Variants in DAP3 observed in about 807,000 individuals in gnomAD.
The protein encoded by DAP3 is small ribosomal subunit protein mS29.
Under a neutral mutation model 51.9 loss-of-function variants are expected in DAP3, and 28 were observed. The ratio of observed to expected loss-of-function variants is 0.54; its 90% confidence interval spans 0.40 to 0.74. DAP3 has a LOEUF of 0.74. Among genes scored for constraint, DAP3 ranks in the 30% least tolerant of loss-of-function variants. DAP3 has a pLI of 0.00. For synonymous variants in DAP3, 170 were observed against 170.3 expected, an observed-to-expected ratio of 1.00 and a Z score of 0.01; for missense variants, 458 against 483.5, an observed-to-expected ratio of 0.95 and a Z score of 0.49.
At chr1:155,720,166 A>C (rs1400259168) in intron 3 of DAP3, among the ~76,000 whole-genome samples, 1 of 151,582 alleles carries the variant, frequency 6.6e-6, no homozygotes, top group East Asian at 1.9e-4. Context: ...CTACCAAAAA[A>C]GTAAAAAAAT....
At chr1:155,688,630 C>CT, upstream of DAP3, 1 of 1,534,588 alleles carries the variant, frequency 6.5e-7, no homozygotes, top group African/African-American at 1.4e-5. Context: ...CCCTGTCAAG[C>CT]CGGCTCCAGC....
At chr1:155,712,475 G>A (rs188209188) in intron 2 of DAP3, among the ~76,000 whole-genome samples, 6 of 152,186 alleles carry the variant, frequency 3.9e-5, no homozygotes, top group South Asian at 2.1e-4. Flanking sequence ...AGCCAGGCGC[G>A]GTGGCGCATG....
Position 155,696,902 on chromosome 1 carries a change from G to A in DAP3, c.-8+7728G>A, listed in dbSNP as rs542504831. On this transcript the variant is annotated intron_variant, in intron 1 of 12. Coordinates refer to ENST00000368336, the MANE Select transcript of DAP3 (RefSeq NM_004632.4). ...CAGTCTTTTAAATCTATAATAACAA[G>A]CAGCCAGTCTTTAGGGAGCATGGTG... is the stretch of plus-strand genomic sequence containing the variant. Among the ~76,000 whole-genome samples, 47 of 152,286 alleles carry A rather than the reference G, an allele frequency of 3.1e-4. 2 individuals carry two copies. The East Asian group carries it at 6.4e-3, about 21-fold the overall frequency.
intron 11 of DAP3, among the ~76,000 whole-genome samples, chr1:155,732,500 G>C (rs933041652): frequency 5.9e-5 from 9 of 152,066 alleles, no homozygotes; most frequent in Non-Finnish European, 1.5e-5. Context: ...CAAAGTGCTA[G>C]GATTATAGGC....
chr1:155,729,172 T>C, intron 8 of DAP3, 36 bp from the exon 9 acceptor site: 1 of 1,614,090 alleles, frequency 6.2e-7, no homozygotes, highest in African/African-American at 1.3e-5. Flanking sequence ...AGAGAAGGCC[T>C]CTGGTAGCAC....
chr1:155,731,372 T>C lies in DAP3; in HGVS notation c.860T>C (p.Leu287Ser). 6.2e-7 allele frequency: 1 copy of C among 1,614,072 alleles called. No individual in the cohort carries two copies. The highest frequency in any genetic ancestry group is 1.1e-5 in the South Asian group (1 of 91,076). ...GATATGCAGATTGCCCCCGAGGAAT[T>C]AGCACTTGTTCACAACTTGAGGAAA... is the stretch of plus-strand genomic sequence containing the variant. ...EDKSPIAPEE[L>S]ALVHNLRKMM... Residue 287 changes from leucine to serine, a missense_variant, in exon 10 of 13, where the codon TTA becomes TCA. Leu to Ser is a moderately radical substitution (Grantham distance 145). Transcript: ENST00000368336.
At chr1:155,726,115 T>G in intron 6 of DAP3, 96 bp downstream of exon 6, 4 of 545,660 alleles carry the variant, frequency 7.3e-6, no homozygotes, top group Non-Finnish European at 1.0e-5. Context: ...TTTCTTTTCT[T>G]TTTTTTTTTT....
rs1351698764 is a variant in DAP3, at chr1:155,737,029, T to C, written c.1077T>C (p.Tyr359=). ...NPKEFESCIQ[Y]YLENNWLQHE... is the part of the protein sequence containing the mutation. ...AGGAATTTGAAAGTTGTATTCAGTATTATTTGGAAAACAATTGGCTTCAAC... is the reference window on the plus strand; with the variant it reads ...AGGAATTTGAAAGTTGTATTCAGTACTATTTGGAAAACAATTGGCTTCAAC... The change falls in exon 12 of 13, where the codon TAT becomes TAC. Residue 359 remains tyrosine, a synonymous_variant. Coordinates refer to ENST00000368336, the MANE Select transcript of DAP3 (RefSeq NM_004632.4). 6.2e-7 allele frequency: 1 copy of C among 1,614,076 alleles called. No homozygotes were observed. Among genetic ancestry groups the C allele is most frequent in the Non-Finnish European group, 8.5e-7 (1 of 1,179,962 alleles).
chr1:155,690,581 C>A (rs1653647058), intron 1 of DAP3, among the ~76,000 whole-genome samples: 1 of 141,776 alleles, frequency 7.1e-6, no homozygotes, highest in South Asian at 2.1e-4. Context: ...TGAGGAAATG[C>A]AAATAAAGTC....
chr1:155,694,097 G>T (rs1654211233), intron 1 of DAP3, among the ~76,000 whole-genome samples: 1 of 141,802 alleles, frequency 7.1e-6, no homozygotes, highest in Non-Finnish European at 1.5e-5. Flanking sequence ...CTCTGTGGAT[G>T]ATCCGGGCTC....
upstream of DAP3, chr1:155,689,061 GT>G: frequency 6.6e-7 from 1 of 1,526,498 alleles, no homozygotes; most frequent in Non-Finnish European, 8.8e-7. Flanking sequence ...GCGTTGAGTC[GT>G]TTCCTGCCGG....
chr1:155,718,749 T>G (rs1310746669), intron 3 of DAP3, among the ~76,000 whole-genome samples: 4 of 137,800 alleles, frequency 2.9e-5, no homozygotes, highest in East Asian at 2.1e-4. Context: ...GATAGATAGA[T>G]ATAGATATAG....
intron 1 of DAP3, among the ~76,000 whole-genome samples, chr1:155,707,914 A>G (rs969701435): frequency 1.3e-5 from 2 of 152,192 alleles, no homozygotes; most frequent in Non-Finnish European, 2.9e-5. Context: ...GCTTTCTAAT[A>G]TTCCATTTTA....
chr1:155,720,620 C>T (rs1229469536), intron 3 of DAP3, among the ~76,000 whole-genome samples: 1 of 151,454 alleles, frequency 6.6e-6, no homozygotes, highest in East Asian at 1.9e-4. Context: ...TACACTTCGG[C>T]CTGGGCAACA....
At chr1:155,711,623 TAGTC>T (rs1320318530) in intron 2 of DAP3, among the ~76,000 whole-genome samples, 14 of 152,032 alleles carry the variant, frequency 9.2e-5, no homozygotes, top group African/African-American at 3.4e-4. Context: ...GTGACTGTAT[TAGTC>T]AGGGTTCTCT....
intron 11 of DAP3, among the ~76,000 whole-genome samples, chr1:155,732,632 T>C (rs1289150893): frequency 6.6e-6 from 1 of 152,216 alleles, no homozygotes; most frequent in African/African-American, 2.4e-5. Flanking sequence ...GACATTGATA[T>C]CATACTTTTA....
chr1:155,709,832 C>T lies in DAP3; in HGVS notation c.45+8C>T. The T allele has an allele frequency of 6.2e-7, 1 of 1,612,700 alleles. No individual in the cohort carries two copies. The highest frequency in any genetic ancestry group is 8.5e-7 in the Non-Finnish European group (1 of 1,179,172). ...ATCTCTAGGATCCATAAGGTGAGTCCTGACTGACCTGAACACTCTGTGCAT... is the reference window on the plus strand; with the variant it reads ...ATCTCTAGGATCCATAAGGTGAGTCTTGACTGACCTGAACACTCTGTGCAT... On this transcript the variant is annotated splice_region_variant and intron_variant, in intron 2 of 12. Coordinates refer to ENST00000368336, the MANE Select transcript of DAP3 (RefSeq NM_004632.4).
rs184781951 is a variant in DAP3 at position 155,708,199 on chromosome 1, C to A, written c.-7-1574C>A. ...AGTAGCTGGGATTACCGGTGTGTACCACCACGCCCAGCTAATTTTTTGTAT... is the reference window on the plus strand; with the variant it reads ...AGTAGCTGGGATTACCGGTGTGTACAACCACGCCCAGCTAATTTTTTGTAT... On this transcript the variant is annotated intron_variant, in intron 1 of 12. Transcript: ENST00000368336. Among the ~76,000 whole-genome samples, 31 of 152,198 alleles carry A rather than the reference C, an allele frequency of 2.0e-4. No homozygotes were observed. The East Asian group carries it at 5.6e-3, about 28-fold the overall frequency.
chr1:155,738,137 T>C lies in DAP3; in HGVS notation c.1112-20T>C, dbSNP rs755975984. 9.9e-6 allele frequency: 16 copies of C among 1,613,606 alleles called. No homozygotes were observed. Among genetic ancestry groups the C allele is most frequent in the Non-Finnish European group, 1.4e-5 (16 of 1,179,546 alleles). On this transcript the variant is annotated intron_variant, in intron 12 of 12. Coordinates refer to ENST00000368336, the MANE Select transcript of DAP3 (RefSeq NM_004632.4). Reference sequence around the variant, plus strand: ...CAGCAGGAGGAAACTGCCACTTACCTGTGTTTGTCTCCATTTTAGCTCCTA... The same window carrying C: ...CAGCAGGAGGAAACTGCCACTTACCCGTGTTTGTCTCCATTTTAGCTCCTA...
Sources: allele counts gnomAD v4.1 joint callset (sites outside exome capture counted in the v4.1 genomes callset), GRCh38; gene constraint gnomAD v4.1.1; transcripts MANE v1.5; gene names NCBI Gene and HGNC (gene_info 2026-07-23, HGNC 2026-07-21).